ATRNL1: variants seen among roughly 807,000 people sequenced by gnomAD.
The protein encoded by ATRNL1 is attractin-like protein 1.
A neutral mutation model predicts 182.7 loss-of-function variants in ATRNL1; 95 were observed. That is an observed-to-expected ratio of 0.52 (90% confidence interval 0.44 to 0.62). The LOEUF (loss-of-function observed/expected upper bound fraction) is 0.62, where lower values mean the gene tolerates loss of function less well. Among genes scored for constraint, ATRNL1 ranks in the 20% least tolerant of loss-of-function variants. The pLI is 0.00. For synonymous variants in ATRNL1, 576 were observed against 568.3 expected (o/e 1.01, Z -0.19); for missense variants, 1,471 against 1,679.5 (o/e 0.88, Z 2.17).
At chr10:115,518,010 G>A (rs1481162558) in intron 24 of ATRNL1, among the ~76,000 whole-genome samples, 1 of 151,724 alleles carries the variant, frequency 6.6e-6, no homozygotes, top group Non-Finnish European at 1.5e-5. Context: ...GAAGCTTGTA[G>A]GAAATGAATA....
At chr10:115,400,915 T>C (rs556739729) in intron 20 of ATRNL1, among the ~76,000 whole-genome samples, 8 of 152,234 alleles carry the variant, frequency 5.3e-5, no homozygotes, top group Admixed American at 1.3e-4. Flanking sequence ...CTATGTCTTT[T>C]AATTGGGGGC....
intron 9 of ATRNL1, among the ~76,000 whole-genome samples, chr10:115,229,435 T>A (rs1377229342): frequency 6.6e-6 from 1 of 152,120 alleles, no homozygotes; most frequent in African/African-American, 2.4e-5. Context: ...CTTTCTCTGC[T>A]TACTGAGTGT....
chr10:115,731,250 C>G (rs1555062680), intron 27 of ATRNL1, among the ~76,000 whole-genome samples: 1 of 152,136 alleles, frequency 6.6e-6, no homozygotes, highest in Non-Finnish European at 1.5e-5. Context: ...TTTCCTGCCC[C>G]ACAGCAGGTG....
At chr10:115,553,961 A>G (rs2804219) in intron 26 of ATRNL1, among the ~76,000 whole-genome samples, 147,286 of 151,490 alleles carry the variant, frequency 0.97, 71,765 homozygotes, top group East Asian at 1. Flanking sequence ...TACAGAAAGA[A>G]GATTCGGCAC....
rs75653914 is a variant in ATRNL1 at position 115,346,796 on chromosome 10, T to C, written c.3175+12377T>C. 2.8e-3 allele frequency among the ~76,000 whole-genome samples: 429 copies of C among 152,280 alleles called. 1 individual carries two copies. Among genetic ancestry groups the C allele is most frequent in the Middle Eastern group, 0.01 (3 of 294 alleles). On this transcript the variant is annotated intron_variant, in intron 19 of 28. Coordinates refer to ENST00000355044, the MANE Select transcript of ATRNL1 (RefSeq NM_207303.4). ...CTAGATATGAGGCTCGCATGAGATATATGATTTGTATTTTCCACCATTCTG... is the reference window on the plus strand; with the variant it reads ...CTAGATATGAGGCTCGCATGAGATACATGATTTGTATTTTCCACCATTCTG...
At position 115,672,579 on chromosome 10, in the gene ATRNL1, T is replaced by A. The variant is rs1555041759; in HGVS notation, c.3796-54669T>A. 3.9e-5 allele frequency among the ~76,000 whole-genome samples: 6 copies of A among 152,258 alleles called. No individual in the cohort carries two copies. In the South Asian group the frequency reaches 1.2e-3, roughly 32 times the overall value. ...GCAATAGTATTAAGTTAGGCAAACG[T>A]AAGCTGAATGTTGAGAAGTTAAGAA... On this transcript the variant is annotated intron_variant, in intron 26 of 28. Transcript: ENST00000355044.
At chr10:115,905,082 C>T (rs1350757637) in intron 28 of ATRNL1, among the ~76,000 whole-genome samples, 1 of 152,110 alleles carries the variant, frequency 6.6e-6, no homozygotes, top group Non-Finnish European at 1.5e-5. Context: ...TTATTATTGG[C>T]CTGGCACTTA....
intron 8 of ATRNL1, among the ~76,000 whole-genome samples, chr10:115,171,543 T>A (rs114686143): frequency 0.012 from 1,819 of 152,134 alleles, 35 homozygotes; most frequent in African/African-American, 0.04. Context: ...GTGAATTTTT[T>A]AAAAAAATAT....
At chr10:115,583,579 G>C (rs1386736352) in intron 26 of ATRNL1, among the ~76,000 whole-genome samples, 1 of 127,942 alleles carries the variant, frequency 7.8e-6, no homozygotes, top group Non-Finnish European at 1.8e-5. Flanking sequence ...AAGAATGCTT[G>C]TGATTTTTGT....
At chr10:115,793,869 T>G (rs1374419174) in intron 27 of ATRNL1, among the ~76,000 whole-genome samples, 8 of 152,174 alleles carry the variant, frequency 5.3e-5, no homozygotes, top group African/African-American at 1.9e-4. Context: ...ACAACAATGG[T>G]TGCACAATTC....
chr10:115,873,487 A>G (rs929539726), intron 28 of ATRNL1, among the ~76,000 whole-genome samples: 2 of 152,230 alleles, frequency 1.3e-5, no homozygotes, highest in African/African-American at 4.8e-5. Flanking sequence ...TACTTGCTCT[A>G]ACTTGCTGAA....
chr10:115,700,555 C>G (rs4751925), intron 26 of ATRNL1, among the ~76,000 whole-genome samples: 56,735 of 151,664 alleles, frequency 0.37, 11,468 homozygotes, highest in East Asian at 0.6. Flanking sequence ...TTTGACTTTT[C>G]CTTGTTGAAT....
At chr10:115,752,596 G>C (rs1326913600) in intron 27 of ATRNL1, among the ~76,000 whole-genome samples, 1 of 151,944 alleles carries the variant, frequency 6.6e-6, no homozygotes, top group Non-Finnish European at 1.5e-5. Flanking sequence ...CTATCACCAG[G>C]ACATTCATAG....
intron 1 of ATRNL1, among the ~76,000 whole-genome samples, chr10:115,113,244 C>G (rs1464871498): frequency 6.6e-6 from 1 of 152,150 alleles, no homozygotes; most frequent in Non-Finnish European, 1.5e-5. Flanking sequence ...TTAGCCAAAA[C>G]TTTAGCAGAA....
At chr10:115,221,033 T>A (rs1478678581) in intron 9 of ATRNL1, among the ~76,000 whole-genome samples, 1 of 152,172 alleles carries the variant, frequency 6.6e-6, no homozygotes, top group Non-Finnish European at 1.5e-5. Flanking sequence ...CCTCAGATCA[T>A]CAAGCATTAG....
chr10:115,867,983 C>T (rs892065664), intron 28 of ATRNL1, among the ~76,000 whole-genome samples: 4 of 151,968 alleles, frequency 2.6e-5, no homozygotes, highest in East Asian at 1.9e-4. Flanking sequence ...AGGCTGGTCT[C>T]GAACTCCTGG....
intron 26 of ATRNL1, among the ~76,000 whole-genome samples, chr10:115,614,900 T>C (rs2133787816): frequency 6.6e-6 from 1 of 152,278 alleles, no homozygotes; most frequent in East Asian, 1.9e-4. Context: ...TCATTTTAAG[T>C]CTATGTGTGC....
At chr10:115,619,792 C>A (rs139086860) in intron 26 of ATRNL1, among the ~76,000 whole-genome samples, 1 of 152,004 alleles carries the variant, frequency 6.6e-6, no homozygotes, top group Admixed American at 6.5e-5. Flanking sequence ...ATTTACCTAA[C>A]GTATTTATTT....
At chr10:115,932,174 T>G (rs1432408205) in intron 28 of ATRNL1, among the ~76,000 whole-genome samples, 1 of 152,222 alleles carries the variant, frequency 6.6e-6, no homozygotes, top group East Asian at 1.9e-4. Context: ...CTCAGTCAGA[T>G]TCTCAAAATT....
Sources: gnomAD v4.1 joint callset for allele counts (sites outside exome capture counted in the v4.1 genomes callset) on GRCh38, gnomAD v4.1.1 for gene constraint, MANE v1.5 for transcripts, NCBI Gene and HGNC (gene_info 2026-07-23, HGNC 2026-07-21) for gene names.